GATAD2B: variants seen among roughly 807,000 people sequenced by gnomAD.
GATAD2B encodes the protein GATA zinc finger domain containing 2B.
GATAD2B carries 8 observed loss-of-function variants against 64.3 expected under a neutral mutation model. The ratio of observed to expected loss-of-function variants is 0.12; its 90% CI spans 0.07 to 0.22. The LOEUF (loss-of-function observed/expected upper bound fraction) is 0.22, where lower values mean the gene tolerates loss of function less well. Among genes scored for constraint, GATAD2B ranks in the 10% least tolerant of loss-of-function variants. GATAD2B has a pLI of 1.00. For synonymous variants in GATAD2B, 281 were observed against 271.3 expected, an observed-to-expected ratio of 1.04 and a Z score of -0.35; for missense variants, 453 against 752.0, an observed-to-expected ratio of 0.60 and a Z score of 4.65.
At chr1:153,915,630 G>A (rs899537832) in intron 1 of GATAD2B, among the ~76,000 whole-genome samples, 3 of 151,696 alleles carry the variant, frequency 2.0e-5, no homozygotes, top group African/African-American at 7.3e-5. Context: ...AGCTACTGAG[G>A]AGGCTGAGGT....
chr1:153,879,076 A>T (rs938629277), intron 1 of GATAD2B, among the ~76,000 whole-genome samples: 1 of 152,112 alleles, frequency 6.6e-6, no homozygotes, highest in Non-Finnish European at 1.5e-5. Flanking sequence ...AGTAGCTGGG[A>T]CTACAGGCGC....
rs1674353792 is a variant in GATAD2B at position 153,813,255 on chromosome 1, C to G, written c.1414G>C (p.Glu472Gln). Residue 472 changes from glutamate (E) to glutamine (Q), a missense_variant, in exon 8 of 11, where the codon GAA becomes CAA. Physicochemically the swap from Glu to Gln is conservative, Grantham distance 29. Around this residue, in one of 2 missense-constraint regions of GATAD2B, gnomAD observed 160 missense variants for 334.7 expected, o/e 0.48. Coordinates refer to ENST00000368655, the MANE Select transcript of GATAD2B (RefSeq NM_020699.4). ...TGAGCAGTCAGAATTCTTACCTGTT[C>G]CTGCTGTAGGGCTTTCACAAATGCA... ...KNAFVKALQQ[E>Q]QEIEQRLQQQ... The G allele has an allele frequency of 6.2e-7, 1 of 1,613,302 alleles. No homozygotes were observed. The highest frequency in any genetic ancestry group is 8.5e-7 in the Non-Finnish European group (1 of 1,179,624).
At chr1:153,868,202 CA>C (rs201284733) in intron 1 of GATAD2B, among the ~76,000 whole-genome samples, 3 of 147,116 alleles carry the variant, frequency 2.0e-5, no homozygotes, top group South Asian at 2.1e-4. Flanking sequence ...GACTCCATCT[CA>C]AAAAAAAATA....
At chr1:153,880,829 G>A (rs1438985256) in intron 1 of GATAD2B, among the ~76,000 whole-genome samples, 1 of 151,914 alleles carries the variant, frequency 6.6e-6, no homozygotes, top group Admixed American at 6.6e-5. Flanking sequence ...GGGTGACAGA[G>A]ACCCTGTCTC....
intron 1 of GATAD2B, among the ~76,000 whole-genome samples, chr1:153,897,033 CT>C (rs764620884): frequency 1.7e-3 from 240 of 142,432 alleles, no homozygotes; most frequent in African/African-American, 3.0e-3. Context: ...TCTTAGAACA[CT>C]TTTTTTTTTT....
At chr1:153,905,047 T>C (rs1276595030) in intron 1 of GATAD2B, among the ~76,000 whole-genome samples, 1 of 151,286 alleles carries the variant, frequency 6.6e-6, no homozygotes, top group African/African-American at 2.4e-5. Context: ...TTTCACTATA[T>C]GTTGGCCAGG....
chr1:153,888,549 C>T (rs545939609), intron 1 of GATAD2B, among the ~76,000 whole-genome samples: 1 of 152,310 alleles, frequency 6.6e-6, no homozygotes, highest in African/African-American at 2.4e-5. Context: ...GCAGGGGGAC[C>T]AAGTTCTTTT....
At chr1:153,908,967 G>A (rs1442022234) in intron 1 of GATAD2B, among the ~76,000 whole-genome samples, 1 of 151,510 alleles carries the variant, frequency 6.6e-6, no homozygotes, top group Admixed American at 6.6e-5. Flanking sequence ...TTAGGAGGCC[G>A]AGGTAGGAGG....
At chr1:153,907,527 T>C (rs1012586879) in intron 1 of GATAD2B, among the ~76,000 whole-genome samples, 2 of 152,170 alleles carry the variant, frequency 1.3e-5, no homozygotes, top group African/African-American at 4.8e-5. Context: ...GTTCAATATA[T>C]ACAAAGTTTC....
At chr1:153,884,432 G>A (rs1433330091) in intron 1 of GATAD2B, among the ~76,000 whole-genome samples, 1 of 149,810 alleles carries the variant, frequency 6.7e-6, no homozygotes, top group Non-Finnish European at 1.5e-5. Flanking sequence ...GACAGAGCGA[G>A]ACTCCACCTC....
intron 1 of GATAD2B, among the ~76,000 whole-genome samples, chr1:153,856,510 C>T (rs1171925951): frequency 6.6e-6 from 1 of 152,094 alleles, no homozygotes; most frequent in East Asian, 1.9e-4. Flanking sequence ...CTCTATTTTT[C>T]TATATGCTTA....
intron 1 of GATAD2B, among the ~76,000 whole-genome samples, chr1:153,837,092 T>C (rs1570945257): frequency 1.3e-5 from 2 of 152,076 alleles, no homozygotes; most frequent in South Asian, 2.1e-4. Context: ...CAAAATCCAA[T>C]GTAAAATGGA....
At chr1:153,881,605 G>A (rs373916367) in intron 1 of GATAD2B, among the ~76,000 whole-genome samples, 31 of 152,248 alleles carry the variant, frequency 2.0e-4, no homozygotes, top group African/African-American at 6.5e-4. Flanking sequence ...AAGAGATTTC[G>A]AGTTTCTGCT....
At chr1:153,877,285 GTGTGC>G (rs1676866734) in intron 1 of GATAD2B, among the ~76,000 whole-genome samples, 1 of 152,122 alleles carries the variant, frequency 6.6e-6, no homozygotes, top group South Asian at 2.1e-4. Flanking sequence ...CAAGGCTGCA[GTGTGC>G]TATGATCACA....
intron 1 of GATAD2B, among the ~76,000 whole-genome samples, chr1:153,916,809 GTTTA>G (rs780913175): frequency 8.5e-5 from 13 of 152,060 alleles, no homozygotes; most frequent in Admixed American, 4.6e-4. Flanking sequence ...ACTTTTATTT[GTTTA>G]TTTATTTATT....
intron 1 of GATAD2B, among the ~76,000 whole-genome samples, chr1:153,894,593 T>C (rs1677523172): frequency 6.6e-6 from 1 of 151,928 alleles, no homozygotes; most frequent in Non-Finnish European, 1.5e-5. Context: ...CCAGGTACAG[T>C]GGCTCACGCC....
At chr1:153,910,735 G>A (rs1211298248) in intron 1 of GATAD2B, among the ~76,000 whole-genome samples, 1 of 152,074 alleles carries the variant, frequency 6.6e-6, no homozygotes, top group Non-Finnish European at 1.5e-5. Flanking sequence ...GCAAGACTCT[G>A]TGTCAAAATA....
intron 1 of GATAD2B, among the ~76,000 whole-genome samples, chr1:153,848,904 T>C (rs1049456186): frequency 2.6e-5 from 4 of 151,850 alleles, no homozygotes; most frequent in Non-Finnish European, 4.4e-5. Context: ...AGTGAGCCAA[T>C]ATCGCGCCAC....
At chr1:153,854,405 A>AAAAC (rs1054171518) in intron 1 of GATAD2B, among the ~76,000 whole-genome samples, 49 of 152,226 alleles carry the variant, frequency 3.2e-4, no homozygotes, top group African/African-American at 6.3e-4. Flanking sequence ...TCCGTCTCAA[A>AAAAC]AAACAAACAA....
Sources: allele counts gnomAD v4.1 joint callset (sites outside exome capture counted in the v4.1 genomes callset), GRCh38; gene constraint gnomAD v4.1.1; regional missense constraint gnomAD v4.1.1; transcripts MANE v1.5; gene names NCBI Gene and HGNC (gene_info 2026-07-23, HGNC 2026-07-21).